PPP1R37: variants seen among roughly 807,000 people sequenced by gnomAD.
PPP1R37 encodes protein phosphatase 1 regulatory subunit 37.
A neutral mutation model predicts 61.0 loss-of-function variants in PPP1R37; 21 were observed. The observed-to-expected ratio is 0.34, with a 90% CI of 0.24 to 0.50. The LOEUF (loss-of-function observed/expected upper bound fraction) is 0.50. PPP1R37 is among the 20% of genes least tolerant of loss of function. PPP1R37 has a pLI of 0.98. For missense variants in PPP1R37, 910 were observed against 952.7 expected (o/e 0.96, Z 0.59); for synonymous variants, 443 against 433.5 (o/e 1.02, Z -0.27).
intron 1 of PPP1R37, chr19:45,136,129 A>G (rs1341419098): frequency 6.6e-6 from 1 of 152,204 alleles, no homozygotes; most frequent in East Asian, 1.9e-4. Flanking sequence ...ATTGCAAAGG[A>G]TGCCAGTTGG....
intron 1 of PPP1R37, among the ~76,000 whole-genome samples, chr19:45,109,471 C>T (rs145208519): frequency 0.018 from 2,770 of 152,304 alleles, 33 homozygotes; most frequent in Non-Finnish European, 0.03. Flanking sequence ...TAGCAGGTTA[C>T]AGAGGGTCCA....
In PPP1R37 at chr19:45,146,586, C is replaced by T. The variant is rs1968704895; in HGVS notation, c.*24C>T. ...CCTCCCCAAGTTCCCTTTTTCCGGTCGGTCTGCGATGAGCTGAGGCCAGAG... is the reference window on the plus strand; with the variant it reads ...CCTCCCCAAGTTCCCTTTTTCCGGTTGGTCTGCGATGAGCTGAGGCCAGAG... On this transcript the variant is annotated 3_prime_UTR_variant, in exon 13 of 13. Coordinates refer to ENST00000221462, the MANE Select transcript of PPP1R37 (RefSeq NM_019121.2). 9 of 807,958 alleles carry T rather than the reference C, an allele frequency of 1.1e-5. No individual in the cohort carries two copies. The highest frequency in any genetic ancestry group is 8.3e-5 in the East Asian group (3 of 36,226). 50.0% of individuals were successfully genotyped at this position (807,958 alleles called of 1,614,324 possible).
intron 1 of PPP1R37, among the ~76,000 whole-genome samples, chr19:45,106,030 C>T (rs115367989): frequency 0.03 from 4,624 of 152,280 alleles, 249 homozygotes; most frequent in African/African-American, 0.11. Context: ...GGCCATCTGA[C>T]TGAATGTCCT....
In PPP1R37 at chr19:45,105,724, A is replaced by G. The variant is rs78005877; in HGVS notation, c.202+12197A>G. Among the ~76,000 whole-genome samples the G allele has an allele frequency of 1.2e-3, 177 of 152,198 alleles. 1 individual carries two copies. The highest frequency in any genetic ancestry group is 4.0e-3 in the African/African-American group (165 of 41,534). ...TCTGCCTACTATGATCACAATGAAC[A>G]GTCAGTGTTCCGTTTCCCTGGAGGG... On this transcript the variant is annotated intron_variant, in intron 1 of 12. Coordinates refer to ENST00000221462, the MANE Select transcript of PPP1R37 (RefSeq NM_019121.2).
At chr19:45,132,196 G>A (rs922405809) in intron 1 of PPP1R37, among the ~76,000 whole-genome samples, 1 of 151,736 alleles carries the variant, frequency 6.6e-6, no homozygotes, top group African/African-American at 2.4e-5. Flanking sequence ...CTGACCTTGA[G>A]ACCCACACTC....
chr19:45,094,224 T>C (rs943706473), intron 1 of PPP1R37, among the ~76,000 whole-genome samples: 4 of 152,110 alleles, frequency 2.6e-5, no homozygotes, highest in Admixed American at 2.6e-4. Flanking sequence ...GTTCAAGCTG[T>C]CCTCCCTCCT....
intron 4 of PPP1R37, among the ~76,000 whole-genome samples, chr19:45,140,914 A>G (rs181903112): frequency 9.0e-4 from 137 of 152,230 alleles, no homozygotes; most frequent in African/African-American, 3.0e-3. Context: ...CAGCTCCTAC[A>G]GGGTGGGCTT....
At chr19:45,131,478 C>T (rs1161191474) in intron 1 of PPP1R37, among the ~76,000 whole-genome samples, 1 of 152,234 alleles carries the variant, frequency 6.6e-6, no homozygotes, top group Admixed American at 6.5e-5. Context: ...CACTTCCAGG[C>T]TCCATCCCTT....
intron 1 of PPP1R37, among the ~76,000 whole-genome samples, chr19:45,111,875 G>A (rs1684242512): frequency 6.6e-6 from 1 of 152,122 alleles, no homozygotes; most frequent in African/African-American, 2.4e-5. Context: ...AACCATGTCT[G>A]CATGCTGAAA....
intron 1 of PPP1R37, among the ~76,000 whole-genome samples, chr19:45,131,714 C>T (rs548317323): frequency 6.6e-6 from 1 of 152,334 alleles, no homozygotes; most frequent in African/African-American, 2.4e-5. Flanking sequence ...ATAGCAAGAC[C>T]TTGACCCCTT....
At position 45,093,418 on chromosome 19, in the gene PPP1R37, G is replaced by A. The variant is rs779322037; in HGVS notation, c.93G>A (p.Ala31=). Residue 31 remains alanine (A), a synonymous_variant, in exon 1 of 13, where the codon GCG becomes GCA. Coordinates refer to ENST00000221462, the MANE Select transcript of PPP1R37 (RefSeq NM_019121.2). ...APAEAGSPSP[A]SPPADGRLKA... ...CTGAGGCCGGGTCTCCCAGCCCCGC[G>A]TCGCCCCCCGCCGATGGGCGCCTCA... is the stretch of plus-strand genomic sequence containing the variant. 2 of 1,534,510 alleles carry A rather than the reference G, an allele frequency of 1.3e-6. No individual in the cohort carries two copies. The highest frequency in any genetic ancestry group is 1.7e-6 in the Non-Finnish European group (2 of 1,146,312).
At chr19:45,138,366 G>A (rs1968564923) in intron 1 of PPP1R37, 148 bp from the exon 2 acceptor site, 2 of 625,990 alleles carry the variant, frequency 3.2e-6, no homozygotes, top group African/African-American at 3.7e-5. Context: ...CGGGGGGCCT[G>A]AAAGGGAGGA....
At position 45,093,600 on chromosome 19, in the gene PPP1R37, G is replaced by T. The variant is rs552438428; in HGVS notation, c.202+73G>T. ...GTCGGGAGGGATCGGTGCAGGGCCC[G>T]GCTCGAGGTGGCGTTCAATAGATTG... On this transcript the variant is annotated intron_variant, in intron 1 of 12. Coordinates refer to ENST00000221462, the MANE Select transcript of PPP1R37 (RefSeq NM_019121.2). 20 of 1,168,366 alleles carry T rather than the reference G, an allele frequency of 1.7e-5. No homozygotes were observed. The African/African-American group carries it at 2.0e-4, about 12-fold the overall frequency. The allele number at this position is 1,168,366 out of a possible 1,614,324, so 72.4% of individuals were successfully genotyped here.
intron 1 of PPP1R37, among the ~76,000 whole-genome samples, chr19:45,110,960 G>A (rs535833758): frequency 7.9e-5 from 12 of 152,336 alleles, no homozygotes; most frequent in African/African-American, 2.6e-4. Context: ...CTACCGATGA[G>A]TGCTGGGCTT....
intron 7 of PPP1R37, chr19:45,142,741 G>A (rs181258954): frequency 4.3e-5 from 20 of 460,932 alleles, no homozygotes; most frequent in Non-Finnish European, 7.4e-5. Context: ...GAGGCGAAGT[G>A]AATAATTACA....
At chr19:45,095,758 TAAA>T (rs371559844) in intron 1 of PPP1R37, among the ~76,000 whole-genome samples, 11 of 117,068 alleles carry the variant, frequency 9.4e-5, no homozygotes, top group Admixed American at 2.7e-4. Context: ...GACCCGGTCT[TAAA>T]AAAAAAAAAA....
chr19:45,137,625 G>T (rs532115637), intron 1 of PPP1R37, among the ~76,000 whole-genome samples: 2 of 152,290 alleles, frequency 1.3e-5, no homozygotes, highest in East Asian at 1.9e-4. Flanking sequence ...GCCGGGCCCT[G>T]AATAGCGTAC....
intron 1 of PPP1R37, among the ~76,000 whole-genome samples, chr19:45,119,302 G>T (rs10421425): frequency 0.034 from 5,194 of 151,964 alleles, 300 homozygotes; most frequent in African/African-American, 0.12. Flanking sequence ...TTACAGGCAT[G>T]TGTCACCATA....
intron 1 of PPP1R37, among the ~76,000 whole-genome samples, chr19:45,137,241 A>T (rs1414250807): frequency 1.3e-5 from 2 of 152,192 alleles, no homozygotes; most frequent in Non-Finnish European, 1.5e-5. Flanking sequence ...ATAGCCAAAA[A>T]CTGGAAACAG....
Sources: allele counts gnomAD v4.1 joint callset (sites outside exome capture counted in the v4.1 genomes callset), GRCh38; gene constraint gnomAD v4.1.1; transcripts MANE v1.5; gene names NCBI Gene and HGNC (gene_info 2026-07-23, HGNC 2026-07-21).